CD2: variants seen among roughly 807,000 people sequenced by gnomAD.
CD2 encodes T-cell surface antigen CD2.
A neutral mutation model predicts 23.2 loss-of-function variants in CD2; 18 were observed. The ratio of observed to expected loss-of-function variants is 0.77; its 90% CI spans 0.54 to 1.15. The LOEUF (loss-of-function observed/expected upper bound fraction) is 1.15. Among genes scored for constraint, CD2 ranks in the 50% most tolerant of loss-of-function variants. The pLI is 0.00. For synonymous variants in CD2, 162 were observed against 151.9 expected (o/e 1.07, Z -0.49); for missense variants, 424 against 423.1 (o/e 1.00, Z -0.02).
At position 116,754,621 on chromosome 1, in the gene CD2, C is replaced by A. The variant is rs376373306; in HGVS notation, c.62-10C>A. On this transcript the variant is annotated splice_polypyrimidine_tract_variant and intron_variant, in intron 1 of 4. Coordinates refer to ENST00000369478, the MANE Select transcript of CD2 (RefSeq NM_001767.5). Reference sequence around the variant, plus strand: ...AAAGTGACTCTCAGTAACTCTTTTGCTTTTTATAGGTGCAGTCTCCAAAGA... The same window carrying A: ...AAAGTGACTCTCAGTAACTCTTTTGATTTTTATAGGTGCAGTCTCCAAAGA... 1.1e-5 allele frequency: 17 copies of A among 1,607,886 alleles called. No individual in the cohort carries two copies. In the African/African-American group the frequency reaches 2.0e-4, roughly 19 times the overall value.
At chr1:116,755,286 T>C (rs544660396) in intron 2 of CD2, among the ~76,000 whole-genome samples, 1 of 152,294 alleles carries the variant, frequency 6.6e-6, no homozygotes, top group Non-Finnish European at 1.5e-5. Flanking sequence ...AGGTTGCTGA[T>C]GAATCGGCGA....
At position 116,760,435 on chromosome 1, in the gene CD2, G is replaced by C. The variant is rs756744201; in HGVS notation, c.416G>C (p.Cys139Ser). 6.2e-7 allele frequency: 1 copy of C among 1,614,120 alleles called. No homozygotes were observed. Among genetic ancestry groups the C allele is most frequent in the Admixed American group, 1.7e-5 (1 of 60,022 alleles). Residue 139 changes from cysteine (C) to serine (S), a missense_variant, in exon 3 of 5, where the codon TGT becomes TCT. By Grantham distance (112) the Cys-to-Ser change is moderately radical. Coordinates refer to ENST00000369478, the MANE Select transcript of CD2 (RefSeq NM_001767.5). ...RVSKPKISWT[C>S]INTTLTCEVM... The stretch of plus-strand genomic sequence containing the variant: ...TCAAAACCAAAGATCTCCTGGACTT[G>C]TATCAACACAACCCTGACCTGTGAG...
At chr1:116,768,003 T>G (rs1571245924) in intron 4 of CD2, among the ~76,000 whole-genome samples, 1 of 152,206 alleles carries the variant, frequency 6.6e-6, no homozygotes, top group African/African-American at 2.4e-5. Context: ...GAAGGTGGAT[T>G]GCATGACAGT....
Position 116,768,711 on chromosome 1 carries a change from C to T in CD2, c.984C>T (p.Leu328=), listed in dbSNP as rs1652298855. Residue 328 remains leucine, a synonymous_variant, in exon 5 of 5, where the codon CTC becomes CTT. Transcript: ENST00000369478. Reference sequence around the variant, plus strand: ...TTCACCAGCAGAAAGGCCCGCCCCTCCCCAGACCTCGAGTTCAGCCAAAAC... The same window carrying T: ...TTCACCAGCAGAAAGGCCCGCCCCTTCCCAGACCTCGAGTTCAGCCAAAAC... ...TQVHQQKGPP[L]PRPRVQPKPP... is the part of the protein sequence containing the mutation. 6.2e-7 allele frequency: 1 copy of T among 1,614,176 alleles called. No individual in the cohort carries two copies. The highest frequency in any genetic ancestry group is 1.1e-5 in the South Asian group (1 of 91,082).
intron 4 of CD2, among the ~76,000 whole-genome samples, chr1:116,766,531 G>A (rs1414233404): frequency 6.6e-6 from 1 of 152,186 alleles, no homozygotes; most frequent in African/African-American, 2.4e-5. Context: ...CTTGGAAGAT[G>A]AGGAATAAAT....
At chr1:116,758,587 G>A (rs1396882965) in intron 2 of CD2, among the ~76,000 whole-genome samples, 8 of 152,240 alleles carry the variant, frequency 5.3e-5, no homozygotes, top group South Asian at 2.1e-4. Context: ...TGAGCATGGC[G>A]CTGAAAAGAG....
chr1:116,762,533 A>G (rs1652089432), intron 3 of CD2, among the ~76,000 whole-genome samples: 1 of 152,146 alleles, frequency 6.6e-6, no homozygotes, highest in Non-Finnish European at 1.5e-5. Flanking sequence ...GGGATTTGGA[A>G]GTTTTATTCT....
intron 2 of CD2, among the ~76,000 whole-genome samples, chr1:116,757,339 A>G (rs1651886961): frequency 6.6e-6 from 1 of 152,022 alleles, no homozygotes; most frequent in Non-Finnish European, 1.5e-5. Context: ...CATTTCCTTC[A>G]TGAGGGAGTT....
In CD2 at chr1:116,755,036, C is replaced by T. The variant is rs180901758; in HGVS notation, c.382+85C>T. 5.2e-4 allele frequency: 474 copies of T among 919,182 alleles called. 1 individual carries two copies. Among genetic ancestry groups the T allele is most frequent in the African/African-American group, 1.5e-3 (91 of 60,142 alleles). The allele number at this position is 919,182 out of a possible 1,614,324, so 56.9% of individuals were successfully genotyped here. ...AAATAGCATTTCTAATATTCCCCAG[C>T]GCTGACCTCTGCCTCCAGGGGGGCT... On this transcript the variant is annotated intron_variant, in intron 2 of 4. Transcript: ENST00000369478.
chr1:116,757,372 AT>A (rs1412056633), intron 2 of CD2, among the ~76,000 whole-genome samples: 1 of 152,096 alleles, frequency 6.6e-6, no homozygotes, highest in African/African-American at 2.4e-5. Flanking sequence ...TGAAGAGGCA[AT>A]GGAGGGCCCC....
At chr1:116,759,024 T>C (rs990222779) in intron 2 of CD2, among the ~76,000 whole-genome samples, 9 of 152,144 alleles carry the variant, frequency 5.9e-5, no homozygotes, top group Non-Finnish European at 1.0e-4. Context: ...AAACGGCCTT[T>C]AGTATATTCA....
chr1:116,760,257 AAT>A (rs1432809038), intron 2 of CD2, 143 bp from the exon 3 acceptor site: 30 of 632,836 alleles, frequency 4.7e-5, no homozygotes, highest in Non-Finnish European at 7.7e-5. Flanking sequence ...AATAAAATAA[AAT>A]AAAATAATTT....
At position 116,764,516 on chromosome 1, in the gene CD2, A is replaced by T; in HGVS notation, c.646A>T (p.Ile216Leu). The T allele has an allele frequency of 6.2e-7, 1 of 1,613,992 alleles. No individual in the cohort carries two copies. The highest frequency in any genetic ancestry group is 8.5e-7 in the Non-Finnish European group (1 of 1,179,960). The change falls in exon 4 of 5, where the codon ATA becomes TTA. Residue 216 changes from isoleucine (I) to leucine (L), a missense_variant. Transcript: ENST00000369478. ...KGLDIYLIIG[I>L]CGGGSLLMVF... ...TCTGGACATCTATCTCATCATTGGC[A>T]TATGTGGAGGAGGCAGCCTCTTGAT...
intron 2 of CD2, among the ~76,000 whole-genome samples, chr1:116,756,280 T>A (rs183470469): frequency 2.0e-4 from 31 of 152,210 alleles, no homozygotes; most frequent in Non-Finnish European, 3.2e-4. Flanking sequence ...AAAACTCGAG[T>A]GTCCTGTTTT....
At position 116,768,672 on chromosome 1, in the gene CD2, G is replaced by A. The variant is rs35591188; in HGVS notation, c.945G>A (p.Pro315=). The change falls in exon 5 of 5, where the codon CCG becomes CCA. Residue 315 remains proline, a synonymous_variant. Transcript: ENST00000369478. ...AGCCTCAGAAGAGGCCTCCTGCTCC[G>A]TCGGGCACACAAGTTCACCAGCAGA... is the stretch of plus-strand genomic sequence containing the variant. ...QHQPQKRPPA[P]SGTQVHQQKG... is the part of the protein sequence containing the mutation. The A allele has an allele frequency of 1.4e-3, 2,292 of 1,614,050 alleles. 27 individuals carry two copies. In the African/African-American group the frequency reaches 0.024, roughly 17 times the overall value.
chr1:116,758,271 G>A (rs773825203), intron 2 of CD2, among the ~76,000 whole-genome samples: 1 of 152,042 alleles, frequency 6.6e-6, no homozygotes, highest in Non-Finnish European at 1.5e-5. Flanking sequence ...TGATAAGAAG[G>A]GAAAAGAGGA....
At chr1:116,760,175 G>C (rs1445676736) in intron 2 of CD2, among the ~76,000 whole-genome samples, 1 of 152,156 alleles carries the variant, frequency 6.6e-6, no homozygotes, top group Non-Finnish European at 1.5e-5. Context: ...CATTACATAT[G>C]ATACACTATT....
chr1:116,768,563 C>T lies in CD2; in HGVS notation c.836C>T (p.Ser279Phe). 1 of 1,614,140 alleles carries T rather than the reference C, an allele frequency of 6.2e-7. No homozygotes were observed. Among genetic ancestry groups the T allele is most frequent in the Non-Finnish European group, 8.5e-7 (1 of 1,180,038 alleles). Residue 279 changes from serine (S) to phenylalanine (F), a missense_variant, in exon 5 of 5, where the codon TCC becomes TTC. Physicochemically the swap from Ser to Phe is radical, Grantham distance 155 (BLOSUM62 -2). Transcript: ENST00000369478. ...TCAACCCCTCAGAATCCAGCAACTTCCCAACATCCTCCTCCACCACCTGGT... is the reference window on the plus strand; with the variant it reads ...TCAACCCCTCAGAATCCAGCAACTTTCCAACATCCTCCTCCACCACCTGGT... ...PASTPQNPAT[S>F]QHPPPPPGHR...
intron 2 of CD2, among the ~76,000 whole-genome samples, chr1:116,760,105 G>C (rs568675886): frequency 1.3e-5 from 2 of 152,202 alleles, no homozygotes; most frequent in Non-Finnish European, 2.9e-5. Flanking sequence ...CAGCCTGTCT[G>C]TTAGGGTTAA....
Sources: allele counts gnomAD v4.1 joint callset (sites outside exome capture counted in the v4.1 genomes callset), GRCh38; gene constraint gnomAD v4.1.1; transcripts MANE v1.5; gene names NCBI Gene and HGNC (gene_info 2026-07-23, HGNC 2026-07-21).